Variants in PCDH9 observed in about 807,000 individuals in gnomAD.
PCDH9 encodes the protein protocadherin-9.
In PCDH9, 24 loss-of-function variants were observed where a neutral mutation model predicts 70.6. That is an observed-to-expected ratio of 0.34 (90% CI 0.25 to 0.48). The LOEUF (loss-of-function observed/expected upper bound fraction) is 0.48. Ranked by LOEUF, PCDH9 falls within the 20% of genes least tolerant of loss-of-function variation. The pLI, the probability that PCDH9 is intolerant of heterozygous loss-of-function variation, is 0.99. For missense variants in PCDH9, 1,281 were observed against 1,503.6 expected (o/e 0.85, Z 2.45); for synonymous variants, 562 against 558.5 (o/e 1.01, Z -0.09).
chr13:66,947,111 T>G (rs2083100660), intron 2 of PCDH9, among the ~76,000 whole-genome samples: 1 of 152,160 alleles, frequency 6.6e-6, no homozygotes, highest in South Asian at 2.1e-4. Flanking sequence ...CTCTTTGAGG[T>G]GTAGCTGGTT....
chr13:66,652,580 A>G (rs1216300047), intron 3 of PCDH9, among the ~76,000 whole-genome samples: 1 of 151,824 alleles, frequency 6.6e-6, no homozygotes, highest in Non-Finnish European at 1.5e-5. Flanking sequence ...AGTTGGTTCA[A>G]TCTGTAAAAA....
At chr13:66,353,021 G>A (rs1956317723) in intron 4 of PCDH9, among the ~76,000 whole-genome samples, 1 of 152,138 alleles carries the variant, frequency 6.6e-6, no homozygotes, top group African/African-American at 2.4e-5. Flanking sequence ...TCTAACCAGG[G>A]AGGGTAATCC....
intron 4 of PCDH9, among the ~76,000 whole-genome samples, chr13:66,524,983 A>G (rs191339557): frequency 4.5e-4 from 69 of 152,166 alleles, no homozygotes; most frequent in African/African-American, 1.5e-3. Context: ...TGCATGTGAG[A>G]GAGAGAAAGA....
chr13:67,177,163 C>A (rs931016485), intron 2 of PCDH9, among the ~76,000 whole-genome samples: 2 of 152,076 alleles, frequency 1.3e-5, no homozygotes, highest in African/African-American at 4.8e-5. Context: ...TATTGATCTA[C>A]CACTTTCAGG....
intron 4 of PCDH9, among the ~76,000 whole-genome samples, chr13:66,521,319 T>C (rs1469103106): frequency 6.6e-6 from 1 of 152,168 alleles, no homozygotes; most frequent in East Asian, 1.9e-4. Context: ...TTTCAACATT[T>C]ATTTTCCTGC....
chr13:66,900,676 C>T (rs770418170), intron 3 of PCDH9, among the ~76,000 whole-genome samples: 2 of 151,510 alleles, frequency 1.3e-5, no homozygotes, highest in East Asian at 1.9e-4. Context: ...ACATCAGTCT[C>T]GGTTTTATTA....
chr13:67,129,362 G>C (rs1358260546), intron 2 of PCDH9, among the ~76,000 whole-genome samples: 2 of 152,130 alleles, frequency 1.3e-5, no homozygotes, highest in African/African-American at 4.8e-5. Flanking sequence ...TTACATGTTA[G>C]TAATAATGCA....
intron 4 of PCDH9, among the ~76,000 whole-genome samples, chr13:66,429,950 G>A (rs538120410): frequency 6.6e-6 from 1 of 152,056 alleles, no homozygotes; most frequent in African/African-American, 2.4e-5. Flanking sequence ...TTACCCATAA[G>A]GTATGTATAT....
At chr13:66,898,263 T>C (rs1488809182) in intron 3 of PCDH9, among the ~76,000 whole-genome samples, 2 of 152,020 alleles carry the variant, frequency 1.3e-5, no homozygotes, top group Non-Finnish European at 2.9e-5. Flanking sequence ...TATGCATGTA[T>C]TTAAGTATGT....
chr13:67,217,421 T>C (rs1248570153), intron 2 of PCDH9: 1 of 152,052 alleles, frequency 6.6e-6, no homozygotes. Context: ...TTCTAATAGG[T>C]GAAAATATAG....
At chr13:67,127,440 C>T (rs2087004271) in intron 2 of PCDH9, among the ~76,000 whole-genome samples, 1 of 152,132 alleles carries the variant, frequency 6.6e-6, no homozygotes, top group Non-Finnish European at 1.5e-5. Context: ...TCTAAGTATA[C>T]ATCTCTATGA....
intron 4 of PCDH9, among the ~76,000 whole-genome samples, chr13:66,395,852 G>C (rs959724763): frequency 6.6e-6 from 1 of 152,040 alleles, no homozygotes; most frequent in Non-Finnish European, 1.5e-5. Flanking sequence ...GCTGTATTCT[G>C]ATTAGTACTG....
chr13:66,967,788 T>C lies in PCDH9; in HGVS notation c.3037-64183A>G, dbSNP rs533642664. On this transcript the variant is annotated intron_variant, in intron 2 of 4. Coordinates refer to ENST00000377865, the MANE Select transcript of PCDH9 (RefSeq NM_203487.3). ...ATAGAATTTACATTTACCGGATAAT[T>C]AGAAGATTTGGGGTGGCTTAGATGG... is the stretch of plus-strand genomic sequence containing the variant. Among the ~76,000 whole-genome samples, 7 of 152,194 alleles carry C rather than the reference T, an allele frequency of 4.6e-5. No homozygotes were observed. The East Asian group carries it at 1.4e-3, about 29-fold the overall frequency.
chr13:66,852,125 G>A (rs1291102554), intron 3 of PCDH9, among the ~76,000 whole-genome samples: 1 of 151,960 alleles, frequency 6.6e-6, no homozygotes, highest in African/African-American at 2.4e-5. Context: ...GTCACACTGG[G>A]GGTCAAGACT....
chr13:66,799,237 T>C (rs1180537377), intron 3 of PCDH9, among the ~76,000 whole-genome samples: 1 of 152,182 alleles, frequency 6.6e-6, no homozygotes, highest in African/African-American at 2.4e-5. Flanking sequence ...TTTTGCTAAG[T>C]TGGAAAGCGT....
chr13:66,673,684 G>T (rs1241869327), intron 3 of PCDH9, among the ~76,000 whole-genome samples: 1 of 152,072 alleles, frequency 6.6e-6, no homozygotes, highest in Non-Finnish European at 1.5e-5. Context: ...ATACATTTTT[G>T]TGGTTTAAGA....
At chr13:66,456,020 T>C (rs1484166316) in intron 4 of PCDH9, among the ~76,000 whole-genome samples, 1 of 152,156 alleles carries the variant, frequency 6.6e-6, no homozygotes, top group Non-Finnish European at 1.5e-5. Flanking sequence ...GAAGGTCCAT[T>C]GATCTTCCAA....
chr13:67,056,268 A>G (rs1262863039), intron 2 of PCDH9, among the ~76,000 whole-genome samples: 3 of 152,218 alleles, frequency 2.0e-5, no homozygotes, highest in Non-Finnish European at 4.4e-5. Flanking sequence ...CCTAATTAAC[A>G]AAAATGTGAT....
intron 3 of PCDH9, among the ~76,000 whole-genome samples, chr13:66,738,865 T>C (rs1347393109): frequency 6.7e-6 from 1 of 150,340 alleles, no homozygotes; most frequent in East Asian, 2.0e-4. Flanking sequence ...CTACGTCTGA[T>C]TGGTGTACCT....
Sources: gnomAD v4.1 joint callset for allele counts (sites outside exome capture counted in the v4.1 genomes callset) on GRCh38, gnomAD v4.1.1 for gene constraint, MANE v1.5 for transcripts, NCBI Gene and HGNC (gene_info 2026-07-23, HGNC 2026-07-21) for gene names.